Variants in SGCZ observed in about 807,000 individuals in gnomAD.
SGCZ encodes sarcoglycan zeta, also known as zeta-sarcoglycan.
A neutral mutation model predicts 41.3 loss-of-function variants in SGCZ; 40 were observed. The observed-to-expected ratio is 0.97, with a 90% confidence interval of 0.75 to 1.26. SGCZ has a LOEUF of 1.26. SGCZ is among the 50% of genes most tolerant of loss of function. SGCZ has a pLI of 0.00. For synonymous variants in SGCZ, 206 were observed against 137.5 expected (o/e 1.50, Z -3.49); for missense variants, 552 against 369.8 (o/e 1.49, Z -4.04).
chr8:14,994,786 ATCT>A (rs1474840301), intron 1 of SGCZ, among the ~76,000 whole-genome samples: 1 of 152,094 alleles, frequency 6.6e-6, no homozygotes, highest in Admixed American at 6.6e-5. Flanking sequence ...TCAGAAAAAA[ATCT>A]TCATTTTTAG....
intron 1 of SGCZ, among the ~76,000 whole-genome samples, chr8:15,210,716 C>T (rs981037117): frequency 3.3e-5 from 5 of 152,206 alleles, no homozygotes; most frequent in African/African-American, 7.2e-5. Flanking sequence ...CTTTATCACC[C>T]GTCCCTTGCA....
At chr8:15,141,102 T>A (rs1165010784) in intron 1 of SGCZ, among the ~76,000 whole-genome samples, 1 of 152,268 alleles carries the variant, frequency 6.6e-6, no homozygotes, top group African/African-American at 2.4e-5. Flanking sequence ...TTCACCTTGT[T>A]GCATGATCTT....
At chr8:14,551,516 TTATATATAA>T (rs1803834670) in intron 2 of SGCZ, among the ~76,000 whole-genome samples, 1 of 10,190 alleles carries the variant, frequency 9.8e-5, no homozygotes, top group African/African-American at 4.3e-4. Flanking sequence ...ATTATATATA[TTATATATAA>T]TATATATAAT....
chr8:14,979,201 C>T (rs1338990961), intron 1 of SGCZ, among the ~76,000 whole-genome samples: 1 of 152,162 alleles, frequency 6.6e-6, no homozygotes, highest in Non-Finnish European at 1.5e-5. Context: ...TATCATCAAG[C>T]ATATCATCTC....
chr8:15,105,524 T>A (rs1806791378), intron 1 of SGCZ, among the ~76,000 whole-genome samples: 1 of 151,914 alleles, frequency 6.6e-6, no homozygotes, highest in African/African-American at 2.4e-5. Context: ...AAGGCCGAAG[T>A]GATACCCACT....
chr8:14,990,485 T>C (rs1472615895), intron 1 of SGCZ, among the ~76,000 whole-genome samples: 12 of 152,002 alleles, frequency 7.9e-5, no homozygotes, highest in Admixed American at 7.2e-4. Flanking sequence ...CAGCATTAGA[T>C]TCGTATTGGA....
At chr8:14,558,411 C>T (rs1426038590) in intron 1 of SGCZ, among the ~76,000 whole-genome samples, 15 of 151,932 alleles carry the variant, frequency 9.9e-5, no homozygotes, top group Non-Finnish European at 2.2e-4. Context: ...CCCATCTCTA[C>T]CAAAAATATA....
At chr8:14,102,344 A>G in intron 7 of SGCZ, 32 bp downstream of exon 7, 1 of 1,425,212 alleles carries the variant, frequency 7.0e-7, no homozygotes, top group Non-Finnish European at 9.3e-7. Context: ...AGTGGGCAGT[A>G]TAGGGCGAGG....
At chr8:14,772,264 A>C (rs960803714) in intron 1 of SGCZ, among the ~76,000 whole-genome samples, 2 of 152,160 alleles carry the variant, frequency 1.3e-5, no homozygotes, top group African/African-American at 2.4e-5. Flanking sequence ...ATTTAAACTT[A>C]GTATATTTTC....
In SGCZ at chr8:14,428,429, C is replaced by G. The variant is rs572307563; in HGVS notation, c.235-104225G>C. Among the ~76,000 whole-genome samples, 33 of 151,980 alleles carry G rather than the reference C, an allele frequency of 2.2e-4. No individual in the cohort carries two copies. The South Asian group carries it at 6.9e-3, about 32-fold the overall frequency. ...TTTTCCTTTCATTCATATAGACAAG[C>G]CAAAATTCACGGTAATTATATTTTG... On this transcript the variant is annotated intron_variant, in intron 2 of 7. Coordinates refer to ENST00000382080, the MANE Select transcript of SGCZ (RefSeq NM_139167.4).
chr8:14,496,112 C>T lies in SGCZ; in HGVS notation c.234+58620G>A, dbSNP rs537006049. 5.1e-4 allele frequency among the ~76,000 whole-genome samples: 74 copies of T among 145,264 alleles called. No individual in the cohort carries two copies. In the South Asian group the frequency reaches 0.016, roughly 32 times the overall value. On this transcript the variant is annotated intron_variant, in intron 2 of 7. Coordinates refer to ENST00000382080, the MANE Select transcript of SGCZ (RefSeq NM_139167.4). ...ATAGGCTCTCATTCTGTCACCCAGG[C>T]TATAGTGCAGTGGCGTGATCATGGC... is the stretch of plus-strand genomic sequence containing the variant.
At chr8:15,004,018 G>A (rs1158158178) in intron 1 of SGCZ, among the ~76,000 whole-genome samples, 1 of 152,018 alleles carries the variant, frequency 6.6e-6, no homozygotes, top group African/African-American at 2.4e-5. Context: ...AGAAAAGTGA[G>A]GTCTGGAAAA....
chr8:14,806,849 C>T (rs1389764000), intron 1 of SGCZ, among the ~76,000 whole-genome samples: 90 of 151,368 alleles, frequency 5.9e-4, no homozygotes, highest in Admixed American at 1.1e-3. Context: ...ACTGGCAAAA[C>T]GAATCCAGCA....
At chr8:14,923,579 CT>C (rs1799656007) in intron 1 of SGCZ, among the ~76,000 whole-genome samples, 1 of 152,076 alleles carries the variant, frequency 6.6e-6, no homozygotes, top group African/African-American at 2.4e-5. Flanking sequence ...TTAAAAATCA[CT>C]TCAAGATTTC....
chr8:15,217,276 G>A (rs1801435815), intron 1 of SGCZ, among the ~76,000 whole-genome samples: 1 of 151,548 alleles, frequency 6.6e-6, no homozygotes, highest in African/African-American at 2.4e-5. Context: ...AATTAGCCGG[G>A]CGTGTTGGCG....
intron 1 of SGCZ, among the ~76,000 whole-genome samples, chr8:14,680,711 A>G (rs1043931321): frequency 6.6e-6 from 1 of 150,848 alleles, no homozygotes; most frequent in African/African-American, 2.5e-5. Context: ...GTGAAAAAAT[A>G]CATTAAAATG....
At chr8:14,628,102 G>C (rs1485986171) in intron 1 of SGCZ, among the ~76,000 whole-genome samples, 2 of 151,918 alleles carry the variant, frequency 1.3e-5, no homozygotes, top group Non-Finnish European at 2.9e-5. Flanking sequence ...GCTAGAACAT[G>C]AAATTAAGAT....
chr8:14,247,905 G>A (rs950651336), intron 3 of SGCZ, among the ~76,000 whole-genome samples: 2 of 152,140 alleles, frequency 1.3e-5, no homozygotes, highest in Admixed American at 6.5e-5. Flanking sequence ...TCTTATTTTG[G>A]TGAGCAGAAA....
At chr8:14,143,755 A>G (rs12677899) in intron 5 of SGCZ, among the ~76,000 whole-genome samples, 149,992 of 152,214 alleles carry the variant, frequency 0.99, 73,933 homozygotes, top group East Asian at 1. Flanking sequence ...CTAAATGGTC[A>G]ATGCCACCCT....
Sources: gnomAD v4.1 joint callset for allele counts (sites outside exome capture counted in the v4.1 genomes callset) on GRCh38, gnomAD v4.1.1 for gene constraint, MANE v1.5 for transcripts, NCBI Gene and HGNC (gene_info 2026-07-23, HGNC 2026-07-21) for gene names.